The following SDK2 variants were observed in gnomAD, a reference collection of about 807,000 sequenced individuals.
SDK2 encodes the protein sidekick cell adhesion molecule 2.
SDK2 carries 105 observed loss-of-function variants against 253.9 expected under a neutral mutation model. The ratio of observed to expected loss-of-function variants is 0.41; its 90% CI spans 0.35 to 0.49. The LOEUF is 0.49. Ranked by LOEUF, SDK2 falls within the 20% of genes least tolerant of loss-of-function variation. SDK2 has a pLI of 0.06. For synonymous variants in SDK2, 1,249 were observed against 1,234.9 expected, an observed-to-expected ratio of 1.01 and a Z score of -0.24; for missense variants, 2,608 against 3,003.0, an observed-to-expected ratio of 0.87 and a Z score of 3.07.
intron 2 of SDK2, among the ~76,000 whole-genome samples, chr17:73,473,017 G>C (rs1266615296): frequency 6.6e-6 from 1 of 152,182 alleles, no homozygotes; most frequent in Non-Finnish European, 1.5e-5. Context: ...CCCAGTCTCA[G>C]GTATGTCTTT....
At chr17:73,483,967 A>G (rs2063754885) in intron 2 of SDK2, among the ~76,000 whole-genome samples, 1 of 151,834 alleles carries the variant, frequency 6.6e-6, no homozygotes, top group Non-Finnish European at 1.5e-5. Flanking sequence ...AGAAATGCTG[A>G]GATTTGAGGG....
intron 1 of SDK2, among the ~76,000 whole-genome samples, chr17:73,613,594 C>G (rs1262011386): frequency 2.1e-5 from 3 of 142,902 alleles, no homozygotes; most frequent in Non-Finnish European, 3.1e-5. Flanking sequence ...GCCCCACCCC[C>G]ACCCCCACCC....
intron 18 of SDK2, among the ~76,000 whole-genome samples, chr17:73,406,893 G>GA (rs2063083702): frequency 6.6e-6 from 1 of 152,170 alleles, no homozygotes; most frequent in South Asian, 2.1e-4. Context: ...GCAATAATTG[G>GA]AAACTACGTT....
rs753108327 is a variant in SDK2 at position 73,430,586 on chromosome 17, TG to T, written c.1507del (p.Gln503ArgfsTer17). On this transcript the variant is annotated frameshift_variant, in exon 12 of 45. Coordinates refer to ENST00000392650, the MANE Select transcript of SDK2 (RefSeq NM_001144952.2). LOFTEE classifies it high-confidence loss of function. ...WARTRITKPP[Q>X]DQSVIKGTQA... is the part of the protein sequence containing the mutation. ...GGTGCCCTTGATGACACTCTGATCC[TG>T]GGGGGGCTTGGTGATGCGGGTCCGA... is the stretch of plus-strand genomic sequence containing the variant. 9 of 1,583,086 alleles carry T rather than the reference TG, an allele frequency of 5.7e-6. No individual in the cohort carries two copies. Among genetic ancestry groups the T allele is most frequent in the East Asian group, 2.3e-5 (1 of 42,962 alleles).
chr17:73,343,941 C>G (rs1568358182), intron 44 of SDK2, among the ~76,000 whole-genome samples: 1 of 152,156 alleles, frequency 6.6e-6, no homozygotes, highest in Non-Finnish European at 1.5e-5. Flanking sequence ...GAGCCCCTCC[C>G]TCATCCACGG....
intron 1 of SDK2, among the ~76,000 whole-genome samples, chr17:73,586,551 C>T (rs887760833): frequency 7.2e-5 from 11 of 152,066 alleles, no homozygotes; most frequent in Non-Finnish European, 1.3e-4. Context: ...AAGTTGGTAT[C>T]TCTGTGCACC....
chr17:73,466,050 G>C (rs1396706764), intron 3 of SDK2, among the ~76,000 whole-genome samples: 1 of 152,174 alleles, frequency 6.6e-6, no homozygotes, highest in African/African-American at 2.4e-5. Flanking sequence ...AGTGCTGAGG[G>C]TGAAAGATTT....
At chr17:73,487,800 C>T (rs1255590101) in intron 2 of SDK2, among the ~76,000 whole-genome samples, 1 of 152,200 alleles carries the variant, frequency 6.6e-6, no homozygotes. Context: ...CATCGGTCCT[C>T]AGGTTCCCAG....
At chr17:73,623,450 A>C (rs1314020118) in intron 1 of SDK2, among the ~76,000 whole-genome samples, 2 of 152,176 alleles carry the variant, frequency 1.3e-5, no homozygotes, top group East Asian at 3.9e-4. Flanking sequence ...GCACTCTGCC[A>C]AGAGCCCTGG....
intron 3 of SDK2, among the ~76,000 whole-genome samples, chr17:73,469,093 G>T (rs1475112034): frequency 2.6e-5 from 4 of 152,186 alleles, no homozygotes; most frequent in Non-Finnish European, 4.4e-5. Context: ...AAAGTGCCAG[G>T]ATTACAGGCG....
intron 1 of SDK2, among the ~76,000 whole-genome samples, chr17:73,557,617 A>G (rs887358593): frequency 2.0e-5 from 3 of 151,760 alleles, no homozygotes; most frequent in Non-Finnish European, 4.4e-5. Context: ...AAAATATTAT[A>G]ATGTTTCCTT....
rs1395333449 is a variant in SDK2 at position 73,467,565 on chromosome 17, A to C, written c.331+4547T>G. Among the ~76,000 whole-genome samples the C allele has an allele frequency of 6.6e-6, 1 of 152,116 alleles. No homozygotes were observed. The highest frequency in any genetic ancestry group is 1.5e-5 in the Non-Finnish European group (1 of 68,012). On this transcript the variant is annotated intron_variant, in intron 3 of 44. Coordinates refer to ENST00000392650, the MANE Select transcript of SDK2 (RefSeq NM_001144952.2). The surrounding 1 kb of genome is among the most constrained non-coding windows in gnomAD (Gnocchi z 4.1). ...TCCCAGGGAAGTGGGGCTGGGACAG[A>C]GGATTCTTCAGCTTCTACAGCTAGA...
intron 1 of SDK2, among the ~76,000 whole-genome samples, chr17:73,546,780 T>G (rs1378208999): frequency 6.6e-6 from 1 of 152,184 alleles, no homozygotes; most frequent in Non-Finnish European, 1.5e-5. Flanking sequence ...CTATGATCTG[T>G]TGGGGAAGGT....
chr17:73,385,400 C>A (rs1942998117), intron 32 of SDK2, among the ~76,000 whole-genome samples: 1 of 152,184 alleles, frequency 6.6e-6, no homozygotes, highest in South Asian at 2.1e-4. Context: ...GGGCATAGGT[C>A]TCTGCAAGGA....
At chr17:73,637,386 A>G (rs2046345032) in intron 1 of SDK2, among the ~76,000 whole-genome samples, 1 of 152,086 alleles carries the variant, frequency 6.6e-6, no homozygotes, top group South Asian at 2.1e-4. Context: ...AATAATTATT[A>G]TTATTGTTTT....
In SDK2 at chr17:73,435,595, C is replaced by T. The variant is rs774022337; in HGVS notation, c.1050G>A (p.Glu350=). ...GCCGGAAGCGGGTCAACTTCTCCAC[C>T]TCCACCACGGCTGCGTCCTTGTACC... is the stretch of plus-strand genomic sequence containing the variant. ...ITWYKDAAVV[E]VEKLTRFRQR... Residue 350 remains glutamate (E), a synonymous_variant, in exon 9 of 45, where the codon GAG becomes GAA. Coordinates refer to ENST00000392650, the MANE Select transcript of SDK2 (RefSeq NM_001144952.2). The surrounding 1 kb of genome is among the most constrained non-coding windows in gnomAD (Gnocchi z 5.7). 8.9e-6 allele frequency: 14 copies of T among 1,578,788 alleles called. No homozygotes were observed. The African/African-American group carries it at 9.5e-5, about 11-fold the overall frequency.
chr17:73,421,514 TG>T (rs2063229885), intron 15 of SDK2, among the ~76,000 whole-genome samples: 1 of 151,390 alleles, frequency 6.6e-6, no homozygotes, highest in South Asian at 2.1e-4. Context: ...TCTACATAGA[TG>T]GGTATCACCG....
chr17:73,538,674 C>T (rs11658593), intron 1 of SDK2, among the ~76,000 whole-genome samples: 24,692 of 152,154 alleles, frequency 0.16, 2,068 homozygotes, highest in Middle Eastern at 0.25. Flanking sequence ...TCTGGAGAAA[C>T]ATCATGATTC....
intron 1 of SDK2, among the ~76,000 whole-genome samples, chr17:73,590,956 G>T (rs1321042639): frequency 1.3e-5 from 2 of 152,182 alleles, no homozygotes; most frequent in African/African-American, 4.8e-5. Flanking sequence ...TTTCGCTCTT[G>T]TTGCCCAGGC....
Sources: allele counts gnomAD v4.1 joint callset (sites outside exome capture counted in the v4.1 genomes callset), GRCh38; gene constraint gnomAD v4.1.1; non-coding constraint Gnocchi (gnomAD v3.1); transcripts MANE v1.5; gene names NCBI Gene and HGNC (gene_info 2026-07-23, HGNC 2026-07-21).